The following CREBZF variants were observed in gnomAD, a reference collection of about 807,000 sequenced individuals.
CREBZF encodes the protein HCF-binding transcription factor Zhangfei.
In CREBZF, 8 loss-of-function variants were observed where a neutral mutation model predicts 21.1. The ratio of observed to expected loss-of-function variants is 0.38; its 90% CI spans 0.22 to 0.68. The LOEUF is 0.68. Ranked by LOEUF, CREBZF falls within the 30% of genes least tolerant of loss-of-function variation. The pLI is 0.51. For synonymous variants in CREBZF, 270 were observed against 223.3 expected, an observed-to-expected ratio of 1.21 and a Z score of -1.86; for missense variants, 518 against 484.3, an observed-to-expected ratio of 1.07 and a Z score of -0.65.
Position 85,664,516 on chromosome 11 carries a change from C to G in CREBZF, c.360G>C (p.Leu120=). The G allele has an allele frequency of 6.2e-7, 1 of 1,613,756 alleles. No individual in the cohort carries two copies. The highest frequency in any genetic ancestry group is 8.5e-7 in the Non-Finnish European group (1 of 1,179,976). ...LLDPRQPDWH[L]DPGLSSPGPL... is the part of the protein sequence containing the mutation. ...GCCCCGGCGAGCTAAGCCCGGGGTCCAGGTGCCAGTCCGGTTGCCTGGGGT... is the reference window on the plus strand; with the variant it reads ...GCCCCGGCGAGCTAAGCCCGGGGTCGAGGTGCCAGTCCGGTTGCCTGGGGT... Residue 120 remains leucine, a synonymous_variant, in exon 1 of 1, where the codon CTG becomes CTC. Transcript: ENST00000527447. This position sits in a 1 kb window ranked among gnomAD's most constrained non-coding sequence, Gnocchi z 5.5.
chr11:85,670,529 C>G (rs970474844), intron 1 of CREBZF, among the ~76,000 whole-genome samples: 1 of 152,052 alleles, frequency 6.6e-6, no homozygotes, highest in African/African-American at 2.4e-5. Flanking sequence ...GTCTCGATCT[C>G]CTGACCTCGT....
chr11:85,672,585 A>G (rs2082919301), intron 1 of CREBZF, among the ~76,000 whole-genome samples: 1 of 152,206 alleles, frequency 6.6e-6, no homozygotes. Flanking sequence ...ACAGATCTCT[A>G]AGACTTGAAT....
In CREBZF at chr11:85,664,542, C is replaced by T; in HGVS notation, c.334G>A (p.Asp112Asn). The T allele has an allele frequency of 6.2e-7, 1 of 1,613,854 alleles. No individual in the cohort carries two copies. The highest frequency in any genetic ancestry group is 2.2e-5 in the East Asian group (1 of 44,834). ...AGGTGCCAGTCCGGTTGCCTGGGGT[C>T]CAGGAGATCCGCCAGTTCCAGCCCA... Reference protein sequence around the residue: ...LSGLELADLLDPRQPDWHLDP... With the variant: ...LSGLELADLLNPRQPDWHLDP... Residue 112 changes from aspartate to asparagine, a missense_variant, in exon 1 of 1, where the codon GAC becomes AAC. Around this residue, in one of 3 missense-constraint regions of CREBZF, gnomAD observed 396 missense variants for 324.4 expected, o/e 1.22. Coordinates refer to ENST00000527447, the MANE Select transcript of CREBZF (RefSeq NM_001039618.4). This position sits in a 1 kb window ranked among gnomAD's most constrained non-coding sequence, Gnocchi z 5.5.
rs1427907473 is a variant in CREBZF at position 85,662,930 on chromosome 11, T to A, written c.*881A>T. On this transcript the variant is annotated 3_prime_UTR_variant, in exon 1 of 1. Coordinates refer to ENST00000527447, the MANE Select transcript of CREBZF (RefSeq NM_001039618.4). The stretch of plus-strand genomic sequence containing the variant: ...TTAACTAAAACGCAGGAGTCTCATA[T>A]GTATGTTAATTTCCAACTTCTCTAA... 4 of 157,218 alleles carry A rather than the reference T, an allele frequency of 2.5e-5. No individual in the cohort carries two copies. The highest frequency in any genetic ancestry group is 9.6e-5 in the African/African-American group (4 of 41,524). The allele number at this position is 157,218 out of a possible 1,614,324, so 9.7% of individuals were successfully genotyped here.
At chr11:85,668,915 T>C (rs1260262163), upstream of CREBZF, among the ~76,000 whole-genome samples, 1 of 139,896 alleles carries the variant, frequency 7.1e-6, no homozygotes, top group African/African-American at 2.6e-5. Flanking sequence ...GGCAGGAGAA[T>C]GGCGTGAACC....
rs936746193 is a variant in CREBZF at position 85,659,333 on chromosome 11, G to C, written c.*4478C>G. On this transcript the variant is annotated 3_prime_UTR_variant, in exon 1 of 1. Transcript: ENST00000527447. ...AAAAAGGTAATGACTCATTATCAGT[G>C]AATTACCCAGTCTGTTCTATCAAAG... 2.0e-5 allele frequency among the ~76,000 whole-genome samples: 3 copies of C among 151,970 alleles called. No homozygotes were observed. Among genetic ancestry groups the C allele is most frequent in the Admixed American group, 1.3e-4 (2 of 15,256 alleles).
At chr11:85,665,158 G>T, upstream of CREBZF, 1 of 390,474 alleles carries the variant, frequency 2.6e-6, no homozygotes. Flanking sequence ...CCCGCCCACC[G>T]CGTTTCGCGC....
chr11:85,664,302 C>T lies in CREBZF; in HGVS notation c.574G>A (p.Gly192Arg), dbSNP rs376412088. 359 of 1,612,140 alleles carry T rather than the reference C, an allele frequency of 2.2e-4. 4 individuals are homozygous for T. The South Asian group carries it at 3.9e-3, about 17-fold the overall frequency. ...AEKRRRKSPGGGGGGGSGNDN... is the reference protein window; with the variant it reads ...AEKRRRKSPGRGGGGGSGNDN... ...TTACCGCTGCCGCCACCGCCGCCTC[C>T]TCCTGGGGACTTTCTCCGCCTCTTT... is the stretch of plus-strand genomic sequence containing the variant. Residue 192 changes from glycine (G) to arginine (R), a missense_variant, in exon 1 of 1, where the codon GGA (glycine) becomes AGA (arginine). Transcript: ENST00000527447. This position sits in a 1 kb window ranked among gnomAD's most constrained non-coding sequence, Gnocchi z 5.5.
chr11:85,668,388 A>G (rs1016209937), upstream of CREBZF, among the ~76,000 whole-genome samples: 25 of 152,040 alleles, frequency 1.6e-4, no homozygotes, highest in African/African-American at 5.8e-4. Context: ...CTTCCGTTCT[A>G]TTTCTAAATG....
intron 1 of CREBZF, among the ~76,000 whole-genome samples, chr11:85,681,349 T>C (rs533050753): frequency 6.6e-6 from 1 of 152,350 alleles, no homozygotes; most frequent in Admixed American, 6.5e-5. Context: ...TAAATAATTA[T>C]TTAATATATG....
In CREBZF at chr11:85,665,114, G is replaced by C. The variant is rs562471032; in HGVS notation, c.-239C>G. The C allele has an allele frequency of 1.7e-5, 7 of 416,472 alleles. No homozygotes were observed. Among genetic ancestry groups the C allele is most frequent in the Non-Finnish European group, 2.6e-5 (6 of 228,988 alleles). 25.8% of individuals were successfully genotyped at this position (416,472 alleles called of 1,614,324 possible). ...GACTCGACCGCGCCACCCAGACAAC[G>C]GCGTAGCCGGAAGTCAGTGGTTTTC... On this transcript the variant is annotated 5_prime_UTR_variant, in exon 1 of 1. Coordinates refer to ENST00000527447, the MANE Select transcript of CREBZF (RefSeq NM_001039618.4).
chr11:85,677,696 T>C (rs1043202275), intron 1 of CREBZF, among the ~76,000 whole-genome samples: 3 of 152,238 alleles, frequency 2.0e-5, no homozygotes, highest in South Asian at 2.1e-4. Context: ...CATACTGTAT[T>C]GCACCAGCAG....
intron 1 of CREBZF, among the ~76,000 whole-genome samples, chr11:85,679,990 T>C (rs781555075): frequency 2.6e-5 from 4 of 152,246 alleles, no homozygotes; most frequent in Non-Finnish European, 5.9e-5. Flanking sequence ...AAAAGTCAAA[T>C]GATATAAAAT....
rs751889912 is a variant in CREBZF, at chr11:85,665,085, C to CG, written c.-211dup. On this transcript the variant is annotated 5_prime_UTR_variant, in exon 1 of 1. Transcript: ENST00000527447. ...GGGAGAACGAAGCGGTGAGGCCCTG[C>CG]GATGACTCGACCGCGCCACCCAGAC... The CG allele has an allele frequency of 2.1e-5, 9 of 425,986 alleles. No individual in the cohort carries two copies. The highest frequency in any genetic ancestry group is 3.8e-5 in the Non-Finnish European group (9 of 235,582). The allele number at this position is 425,986 out of a possible 1,614,324, so 26.4% of individuals were successfully genotyped here.
intron 1 of CREBZF, among the ~76,000 whole-genome samples, chr11:85,675,568 G>T (rs1193739326): frequency 6.6e-6 from 1 of 152,080 alleles, no homozygotes; most frequent in Admixed American, 6.5e-5. Flanking sequence ...CCATGACAGA[G>T]ATATTAATAA....
At chr11:85,669,901 G>A (rs992685742), upstream of CREBZF, among the ~76,000 whole-genome samples, 16 of 152,112 alleles carry the variant, frequency 1.1e-4, no homozygotes, top group African/African-American at 1.7e-4. Flanking sequence ...TCCACCTCCT[G>A]GGTTCAAGCG....
At chr11:85,676,907 G>T (rs1188046266) in intron 1 of CREBZF, among the ~76,000 whole-genome samples, 1 of 147,788 alleles carries the variant, frequency 6.8e-6, no homozygotes, top group African/African-American at 2.5e-5. Flanking sequence ...GCCTCCCAAA[G>T]TGCTGGAATT....
At chr11:85,679,855 C>G (rs2082965372) in intron 1 of CREBZF, among the ~76,000 whole-genome samples, 1 of 152,216 alleles carries the variant, frequency 6.6e-6, no homozygotes, top group African/African-American at 2.4e-5. Flanking sequence ...GGAAAATGTG[C>G]AGGCTTTTGA....
In CREBZF at chr11:85,664,615, C is replaced by A; in HGVS notation, c.261G>T (p.Ala87=). The A allele has an allele frequency of 6.2e-7, 1 of 1,613,440 alleles. No homozygotes were observed. The highest frequency in any genetic ancestry group is 8.5e-7 in the Non-Finnish European group (1 of 1,179,766). ...TCTCTTCCCCCGGGAGGCTGGCGAT[C>A]GCCTCCTCCTCCATCTCCTCGGGGG... The part of the protein sequence containing the change: ...APSPEEMEEE[A]IASLPGEETE... Residue 87 remains alanine, a synonymous_variant, in exon 1 of 1, where the codon GCG becomes GCT. Coordinates refer to ENST00000527447, the MANE Select transcript of CREBZF (RefSeq NM_001039618.4). The surrounding 1 kb of genome is among the most constrained non-coding windows in gnomAD (Gnocchi z 5.5).
Sources: allele counts gnomAD v4.1 joint callset (sites outside exome capture counted in the v4.1 genomes callset), GRCh38; gene constraint gnomAD v4.1.1; regional missense constraint gnomAD v4.1.1; non-coding constraint Gnocchi (gnomAD v3.1); transcripts MANE v1.5; gene names NCBI Gene and HGNC (gene_info 2026-07-23, HGNC 2026-07-21).